The following PRKN variants were observed in gnomAD, a reference collection of about 807,000 sequenced individuals.
PRKN encodes the protein parkin RBR E3 ubiquitin protein ligase, also known as E3 ubiquitin-protein ligase parkin.
PRKN carries 56 observed loss-of-function variants against 59.5 expected under a neutral mutation model. The ratio of observed to expected loss-of-function variants is 0.94; its 90% CI spans 0.76 to 1.18. The LOEUF is 1.18. Ranked by LOEUF, PRKN falls within the 50% of genes most tolerant of loss-of-function variation. PRKN has a pLI of 0.00. For missense variants in PRKN, 657 were observed against 596.4 expected (o/e 1.10, Z -1.06); for synonymous variants, 250 against 222.1 (o/e 1.13, Z -1.12).
At chr6:162,516,452 T>C (rs921641813) in intron 1 of PRKN, among the ~76,000 whole-genome samples, 3 of 152,084 alleles carry the variant, frequency 2.0e-5, no homozygotes, top group East Asian at 1.9e-4. Context: ...TTATATTATA[T>C]TATTTGAAAA....
chr6:162,528,313 C>G (rs901695614), intron 1 of PRKN, among the ~76,000 whole-genome samples: 1 of 137,470 alleles, frequency 7.3e-6, no homozygotes, highest in Non-Finnish European at 1.6e-5. Flanking sequence ...AGTGAAACTC[C>G]GTCTCAAAAG....
At position 161,956,090 on chromosome 6, in the gene PRKN, A is replaced by C. The variant is rs982939052; in HGVS notation, c.734+17212T>G. Among the ~76,000 whole-genome samples, 4 of 152,216 alleles carry C rather than the reference A, an allele frequency of 2.6e-5. No individual in the cohort carries two copies. In the East Asian group the frequency reaches 7.7e-4, roughly 29 times the overall value. On this transcript the variant is annotated intron_variant, in intron 6 of 11. Transcript: ENST00000366898. ...AGGGCCAAAATCTTGGCTAATATTT[A>C]CTGTCCATATGTGATCAGCACTGTT...
chr6:161,351,044 T>A (rs1203754055), intron 11 of PRKN, among the ~76,000 whole-genome samples: 7 of 91,102 alleles, frequency 7.7e-5, no homozygotes, highest in African/African-American at 3.3e-4. Flanking sequence ...AAAATATATA[T>A]AAATATATTT....
At chr6:161,754,661 C>A (rs1472534456) in intron 7 of PRKN, among the ~76,000 whole-genome samples, 3 of 152,120 alleles carry the variant, frequency 2.0e-5, no homozygotes, top group African/African-American at 7.2e-5. Flanking sequence ...AACTCACATC[C>A]CTTTTCTTCC....
intron 6 of PRKN, among the ~76,000 whole-genome samples, chr6:161,815,630 G>A (rs1354308578): frequency 2.0e-5 from 3 of 152,228 alleles, no homozygotes; most frequent in African/African-American, 4.8e-5. Context: ...ACAAAGGTCC[G>A]TGAGAGACAG....
chr6:162,005,059 A>T (rs1460478736), intron 5 of PRKN, among the ~76,000 whole-genome samples: 2 of 152,240 alleles, frequency 1.3e-5, no homozygotes, highest in Non-Finnish European at 2.9e-5. Flanking sequence ...AATGAATCTC[A>T]GAGTAATAGC....
Position 161,797,968 on chromosome 6 carries a change from G to A in PRKN, c.735-12060C>T, listed in dbSNP as rs559810773. On this transcript the variant is annotated intron_variant, in intron 6 of 11. Coordinates refer to ENST00000366898, the MANE Select transcript of PRKN (RefSeq NM_004562.3). The stretch of plus-strand genomic sequence containing the variant: ...TGTAATCCCAGCACTTTGGGAGGCC[G>A]AGGTGGGTGGATCACCAGGTGAGGA... 9.2e-5 allele frequency among the ~76,000 whole-genome samples: 14 copies of A among 152,284 alleles called. No individual in the cohort carries two copies. The South Asian group carries it at 2.1e-3, about 23-fold the overall frequency.
At chr6:162,061,286 A>C (rs541422532) in intron 4 of PRKN, among the ~76,000 whole-genome samples, 1 of 152,350 alleles carries the variant, frequency 6.6e-6, no homozygotes, top group South Asian at 2.1e-4. Flanking sequence ...GCAACACAAC[A>C]AACGCCTTTA....
chr6:161,808,488 T>A (rs1339391038), intron 6 of PRKN, among the ~76,000 whole-genome samples: 1 of 152,218 alleles, frequency 6.6e-6, no homozygotes, highest in Non-Finnish European at 1.5e-5. Flanking sequence ...ATAACGTGTG[T>A]GTGTTGAAAG....
chr6:162,608,538 C>T (rs1467896898), intron 1 of PRKN, among the ~76,000 whole-genome samples: 1 of 152,118 alleles, frequency 6.6e-6, no homozygotes, highest in African/African-American at 2.4e-5. Flanking sequence ...GAGACTAAAA[C>T]TTGAATGACA....
At chr6:162,372,700 G>A (rs1299279947) in intron 2 of PRKN, among the ~76,000 whole-genome samples, 1 of 152,104 alleles carries the variant, frequency 6.6e-6, no homozygotes, top group Non-Finnish European at 1.5e-5. Context: ...GGTACCACCT[G>A]AATGTAAAAT....
At chr6:161,681,316 G>T (rs1297519936) in intron 7 of PRKN, among the ~76,000 whole-genome samples, 1 of 152,110 alleles carries the variant, frequency 6.6e-6, no homozygotes, top group African/African-American at 2.4e-5. Context: ...TGCAAAAGAC[G>T]TATTTTTGTC....
rs992531022 is a variant in PRKN, at chr6:161,445,262, A to T, written c.1084-58385T>A. On this transcript the variant is annotated intron_variant, in intron 9 of 11. Transcript: ENST00000366898. The surrounding 1 kb of genome is among the most constrained non-coding windows in gnomAD (Gnocchi z 7.7). ...GAGGCTGCCTGACCACAAAGACAGG[A>T]CTGTAAAACATAGACCGCATGTGAC... Among the ~76,000 whole-genome samples the T allele has an allele frequency of 4.6e-5, 7 of 152,152 alleles. No homozygotes were observed. The highest frequency in any genetic ancestry group is 7.2e-5 in the African/African-American group (3 of 41,436).
At chr6:161,967,103 T>G (rs1780611634) in intron 6 of PRKN, among the ~76,000 whole-genome samples, 1 of 152,250 alleles carries the variant, frequency 6.6e-6, no homozygotes, top group Non-Finnish European at 1.5e-5. Context: ...GTGCTGGGAT[T>G]ACAGGCGTGA....
intron 10 of PRKN, among the ~76,000 whole-genome samples, chr6:161,382,148 AAC>A (rs1374404765): frequency 6.6e-6 from 1 of 151,580 alleles, no homozygotes; most frequent in African/African-American, 2.4e-5. Context: ...AACAAAAACA[AAC>A]AAACAAACAA....
intron 7 of PRKN, among the ~76,000 whole-genome samples, chr6:161,660,815 G>A (rs565995061): frequency 6.6e-4 from 100 of 152,216 alleles, no homozygotes; most frequent in African/African-American, 1.9e-3. Flanking sequence ...ATGATGGCAC[G>A]TCCTGACTCA....
chr6:161,537,491 G>C lies in PRKN; in HGVS notation c.1083+11363C>G, dbSNP rs531727008. Among the ~76,000 whole-genome samples the C allele has an allele frequency of 1.6e-4, 23 of 146,040 alleles. 1 individual carries two copies. The highest frequency in any genetic ancestry group is 6.5e-4 in the South Asian group (3 of 4,620). On this transcript the variant is annotated intron_variant, in intron 9 of 11. Coordinates refer to ENST00000366898, the MANE Select transcript of PRKN (RefSeq NM_004562.3). ...TTTTGAGATGGATTCTTGCTCTGTC[G>C]CCCAGGCTGGAGTTTAGTGGCGTGA...
chr6:161,679,876 C>T (rs1214220435), intron 7 of PRKN, among the ~76,000 whole-genome samples: 1 of 151,246 alleles, frequency 6.6e-6, no homozygotes, highest in East Asian at 2.0e-4. Context: ...TGCCTCAGCC[C>T]CCCCAGGAGC....
chr6:162,417,497 A>G (rs539673267), intron 2 of PRKN, among the ~76,000 whole-genome samples: 1 of 152,348 alleles, frequency 6.6e-6, no homozygotes, highest in African/African-American at 2.4e-5. Flanking sequence ...GAAGGGAGAC[A>G]TATGTAAAGT....
Sources: allele counts gnomAD v4.1 joint callset (sites outside exome capture counted in the v4.1 genomes callset), GRCh38; gene constraint gnomAD v4.1.1; non-coding constraint Gnocchi (gnomAD v3.1); transcripts MANE v1.5; gene names NCBI Gene and HGNC (gene_info 2026-07-23, HGNC 2026-07-21).